KCNQ5: variants seen among roughly 807,000 people sequenced by gnomAD.
KCNQ5 encodes the protein potassium voltage-gated channel subfamily Q member 5.
Under a neutral mutation model 98.2 loss-of-function variants are expected in KCNQ5, and 30 were observed. The observed-to-expected ratio is 0.31, with a 90% confidence interval of 0.23 to 0.41. The LOEUF (loss-of-function observed/expected upper bound fraction) is 0.41, where lower values mean the gene tolerates loss of function less well. Ranked by LOEUF, KCNQ5 falls within the 10% of genes least tolerant of loss-of-function variation. The probability of loss-of-function intolerance (pLI) is 1.00; values close to 1 mark genes in which losing one functional copy is unlikely to be tolerated. For synonymous variants in KCNQ5, 458 were observed against 449.4 expected, an observed-to-expected ratio of 1.02 and a Z score of -0.24; for missense variants, 835 against 1,182.5, an observed-to-expected ratio of 0.71 and a Z score of 4.31.
intron 1 of KCNQ5, among the ~76,000 whole-genome samples, chr6:72,654,876 C>T (rs1042383213): frequency 6.6e-6 from 1 of 151,942 alleles, no homozygotes; most frequent in Non-Finnish European, 1.5e-5. Flanking sequence ...GAAAACTGTA[C>T]TTTTGACTAA....
intron 10 of KCNQ5, among the ~76,000 whole-genome samples, chr6:73,155,847 A>G (rs927826292): frequency 6.6e-6 from 1 of 152,216 alleles, no homozygotes; most frequent in Admixed American, 6.5e-5. Flanking sequence ...AATAAAAACT[A>G]TTTGAAAGGA....
At chr6:73,019,605 T>G (rs932242403) in intron 2 of KCNQ5, among the ~76,000 whole-genome samples, 9 of 152,184 alleles carry the variant, frequency 5.9e-5, no homozygotes, top group African/African-American at 2.2e-4. Flanking sequence ...ATCAAACTTT[T>G]CTACTCTCCT....
chr6:72,885,660 C>A (rs184525581), intron 1 of KCNQ5, among the ~76,000 whole-genome samples: 2 of 152,042 alleles, frequency 1.3e-5, no homozygotes, highest in African/African-American at 4.8e-5. Context: ...AATTAAAGAG[C>A]GATTTTGAAT....
chr6:72,706,328 T>C (rs1419495547), intron 1 of KCNQ5, among the ~76,000 whole-genome samples: 1 of 117,140 alleles, frequency 8.5e-6, no homozygotes, highest in East Asian at 2.0e-4. Flanking sequence ...AAATTTAATA[T>C]TTTATATTTA....
chr6:72,696,295 T>C (rs1008735901), intron 1 of KCNQ5, among the ~76,000 whole-genome samples: 1 of 152,216 alleles, frequency 6.6e-6, no homozygotes, highest in Admixed American at 6.5e-5. Flanking sequence ...AAATGAATTA[T>C]GGTAATCAGA....
At chr6:72,761,650 ATTTTG>A (rs1772284864) in intron 1 of KCNQ5, among the ~76,000 whole-genome samples, 1 of 151,882 alleles carries the variant, frequency 6.6e-6, no homozygotes, top group East Asian at 1.9e-4. Flanking sequence ...TTTATATGTC[ATTTTG>A]TTTTATTTCT....
chr6:72,984,096 G>C (rs574394795), intron 1 of KCNQ5, among the ~76,000 whole-genome samples: 1 of 152,178 alleles, frequency 6.6e-6, no homozygotes, highest in African/African-American at 2.4e-5. Flanking sequence ...TCCCAGAGGG[G>C]CATCGGGCTG....
intron 1 of KCNQ5, among the ~76,000 whole-genome samples, chr6:72,698,505 T>TTTTG (rs1270063472): frequency 6.6e-6 from 1 of 151,858 alleles, no homozygotes; most frequent in Non-Finnish European, 1.5e-5. Context: ...ACCTGGCTTG[T>TTTTG]TTTGTTTGTT....
rs143825175 is a variant in KCNQ5, at chr6:72,789,722, T to C, written c.398+167135T>C. On this transcript the variant is annotated intron_variant, in intron 1 of 13. Coordinates refer to ENST00000370398, the MANE Select transcript of KCNQ5 (RefSeq NM_019842.4). ...GGAAACTGATACACAAAGAGATCAA[T>C]AGACTTGTATTAGGTCACACAGCTG... Among the ~76,000 whole-genome samples the C allele has an allele frequency of 1.9e-3, 292 of 152,326 alleles. 3 individuals carry two copies. The highest frequency in any genetic ancestry group is 0.013 in the Admixed American group (202 of 15,304).
intron 3 of KCNQ5, among the ~76,000 whole-genome samples, chr6:73,076,475 T>A (rs1366069861): frequency 1.3e-5 from 2 of 152,200 alleles, no homozygotes; most frequent in Admixed American, 1.3e-4. Context: ...GATGTTTACT[T>A]ATGGAGTGAT....
chr6:73,152,299 T>C (rs1277873907), intron 10 of KCNQ5, among the ~76,000 whole-genome samples: 2 of 152,126 alleles, frequency 1.3e-5, no homozygotes, highest in Non-Finnish European at 1.5e-5. Flanking sequence ...TATTTGAAAG[T>C]TGGACTTGCA....
intron 5 of KCNQ5, among the ~76,000 whole-genome samples, chr6:73,078,595 G>A (rs1582312410): frequency 6.6e-6 from 1 of 152,276 alleles, no homozygotes; most frequent in East Asian, 1.9e-4. Flanking sequence ...TTAAAGATCA[G>A]GAATATTGAA....
intron 5 of KCNQ5, among the ~76,000 whole-genome samples, chr6:73,089,635 C>T (rs553911504): frequency 6.6e-6 from 1 of 152,216 alleles, no homozygotes; most frequent in Admixed American, 6.5e-5. Context: ...AGTTTAGCTC[C>T]CACCTATGAG....
intron 3 of KCNQ5, among the ~76,000 whole-genome samples, chr6:73,044,285 A>C (rs953120314): frequency 2.0e-5 from 3 of 152,182 alleles, no homozygotes; most frequent in Admixed American, 2.0e-4. Flanking sequence ...TGTCTCAAAA[A>C]AATACTAGTA....
chr6:73,176,110 C>T (rs1778201426), intron 11 of KCNQ5, among the ~76,000 whole-genome samples: 1 of 152,160 alleles, frequency 6.6e-6, no homozygotes, highest in African/African-American at 2.4e-5. Flanking sequence ...ATTCTAAGTA[C>T]AGAAATGAAT....
intron 1 of KCNQ5, among the ~76,000 whole-genome samples, chr6:72,768,290 A>G (rs144056443): frequency 3.0e-4 from 45 of 151,992 alleles, no homozygotes; most frequent in African/African-American, 1.1e-3. Context: ...TGGCCTGGAA[A>G]CAATTGGTGG....
intron 10 of KCNQ5, among the ~76,000 whole-genome samples, chr6:73,154,265 A>G (rs1007791084): frequency 1.5e-4 from 23 of 152,294 alleles, no homozygotes; most frequent in African/African-American, 5.3e-4. Context: ...ACTCACTTGT[A>G]AGCTATTACT....
At chr6:72,638,642 T>G (rs1223437331) in intron 1 of KCNQ5, among the ~76,000 whole-genome samples, 1 of 152,180 alleles carries the variant, frequency 6.6e-6, no homozygotes, top group Non-Finnish European at 1.5e-5. Context: ...TACCTATTTT[T>G]TTTTTGGTTT....
At chr6:72,816,174 C>T (rs756808454) in intron 1 of KCNQ5, among the ~76,000 whole-genome samples, 32 of 152,016 alleles carry the variant, frequency 2.1e-4, no homozygotes, top group Non-Finnish European at 4.3e-4. Context: ...TTTATTGTCG[C>T]AAATAAATAT....
Sources: gnomAD v4.1 joint callset for allele counts (sites outside exome capture counted in the v4.1 genomes callset) on GRCh38, gnomAD v4.1.1 for gene constraint, MANE v1.5 for transcripts, NCBI Gene and HGNC (gene_info 2026-07-23, HGNC 2026-07-21) for gene names.